SHROOM4: variants seen among roughly 807,000 people sequenced by gnomAD.
SHROOM4 encodes shroom family member 4.
In SHROOM4, 17 loss-of-function variants were observed where a neutral mutation model predicts 80.3. That is an observed-to-expected ratio of 0.21 (90% CI 0.14 to 0.32). SHROOM4 has a LOEUF of 0.32. SHROOM4 is among the 10% of genes least tolerant of loss of function. The probability of loss-of-function intolerance (pLI) is 1.00; values close to 1 mark genes in which losing one functional copy is unlikely to be tolerated. For synonymous variants in SHROOM4, 400 were observed against 437.5 expected, an observed-to-expected ratio of 0.91 and a Z score of 1.07; for missense variants, 993 against 1,140.3, an observed-to-expected ratio of 0.87 and a Z score of 1.86.
chrX:50,709,973 T>G (rs782276777), intron 1 of SHROOM4, among the ~76,000 whole-genome samples: 1 of 112,078 alleles, frequency 8.9e-6, no homozygotes, highest in Admixed American at 9.5e-5. Flanking sequence ...TAAAAATCTC[T>G]GAATTAGAAG....
rs782160810 is a variant in SHROOM4 at position 50,774,683 on chromosome X, A to AC, written c.117+39218_117+39219insG. ...TAAAAGAAAGATTTAGAAAAAAAAA[A>AC]AAAACAGAAAATGAGGTTATTTTAT... On this transcript the variant is annotated intron_variant, in intron 1 of 8. Transcript: ENST00000376020. Among the ~76,000 whole-genome samples, 416 of 110,679 alleles carry AC rather than the reference A, an allele frequency of 3.8e-3. 2 individuals carry two copies. The highest frequency in any genetic ancestry group is 0.013 in the African/African-American group (384 of 30,586).
intron 1 of SHROOM4, among the ~76,000 whole-genome samples, chrX:50,764,885 T>G (rs1388265265): frequency 8.9e-6 from 1 of 111,977 alleles, no homozygotes; most frequent in East Asian, 2.8e-4. Context: ...TTTAATGGAC[T>G]CACAATTCCA....
chrX:50,762,766 C>CT (rs1935187942), intron 1 of SHROOM4, among the ~76,000 whole-genome samples: 1 of 111,713 alleles, frequency 9.0e-6, no homozygotes, highest in Non-Finnish European at 1.9e-5. Flanking sequence ...AGCTATTCAT[C>CT]TTTTTGGAGT....
the SHROOM4 span, among the ~76,000 whole-genome samples, chrX:50,577,172 A>G: frequency 8.9e-6 from 1 of 111,856 alleles, no homozygotes; most frequent in Admixed American, 9.5e-5. Flanking sequence ...ATTTCCACTT[A>G]TTTCCTAAGA....
chrX:50,635,045 T>G lies in SHROOM4; in HGVS notation c.1028A>C (p.Glu343Ala), dbSNP rs1310106761. Reference sequence around the variant, plus strand: ...GCTGGATTCAGGAGGCTGACTGAACTCACAGTTCTGATGGCCCTCACTTGT... The same window carrying G: ...GCTGGATTCAGGAGGCTGACTGAACGCACAGTTCTGATGGCCCTCACTTGT... ...QVTSEGHQNC[E>A]FSQPPESSQQ... Residue 343 changes from glutamate (E) to alanine (A), a missense_variant, in exon 4 of 9, where the codon GAG becomes GCG. Physicochemically the swap from Glu to Ala is moderately radical, Grantham distance 107 (BLOSUM62 -1). Transcript: ENST00000376020. The G allele has an allele frequency of 1.7e-6, 2 of 1,210,742 alleles. No individual in the cohort carries two copies. Among genetic ancestry groups the G allele is most frequent in the Non-Finnish European group, 2.2e-6 (2 of 895,380 alleles).
intron 5 of SHROOM4, among the ~76,000 whole-genome samples, chrX:50,618,358 T>C (rs1317323040): frequency 4.9e-5 from 1 of 20,539 alleles, no homozygotes; most frequent in Non-Finnish European, 9.0e-5. Flanking sequence ...CTTCCTTCCT[T>C]CCTTCCTTCC....
intron 5 of SHROOM4, among the ~76,000 whole-genome samples, chrX:50,619,716 T>C (rs1930496275): frequency 8.9e-6 from 1 of 112,005 alleles, no homozygotes; most frequent in Non-Finnish European, 1.9e-5. Context: ...AAGTAATACA[T>C]ACATATGCAG....
In SHROOM4 at chrX:50,607,907, CCCT is replaced by C; in HGVS notation, c.3232_3234del (p.Arg1078del). ...GTCTCATCACCTTTGCTAAAGAGCTCCCTCCTATGCTGCCCCCAGGCCCGGGTG... is the reference window on the plus strand; with the variant it reads ...GTCTCATCACCTTTGCTAAAGAGCTCCCTATGCTGCCCCCAGGCCCGGGTG... On this transcript the variant is annotated inframe_deletion, in exon 6 of 9. Transcript: ENST00000376020. The C allele has an allele frequency of 8.3e-7, 1 of 1,210,683 alleles. No individual in the cohort carries two copies. The highest frequency in any genetic ancestry group is 1.1e-6 in the Non-Finnish European group (1 of 894,788).
At chrX:50,686,987 AT>A (rs781935619) in intron 2 of SHROOM4, 1 of 112,470 alleles carries the variant, frequency 8.9e-6, no homozygotes, top group Admixed American at 9.4e-5. Context: ...CATTGCCCAA[AT>A]TCAAAAGAAT....
At position 50,590,745 on chromosome X, in the gene SHROOM4, C is replaced by T. The variant is rs911788861; in HGVS notation, c.*5950G>A. ...AGTATGTTATAGCAACCCAAGCATA[C>T]TAAAACACATATTTTCTTTGAAGAA... On this transcript the variant is annotated 3_prime_UTR_variant, in exon 9 of 9. Coordinates refer to ENST00000376020, the MANE Select transcript of SHROOM4 (RefSeq NM_020717.5). Among the ~76,000 whole-genome samples the T allele has an allele frequency of 4.5e-5, 5 of 112,313 alleles. No individual in the cohort carries two copies. The highest frequency in any genetic ancestry group is 9.4e-5 in the Non-Finnish European group (5 of 53,253).
At position 50,591,569 on chromosome X, in the gene SHROOM4, C is replaced by A; in HGVS notation, c.*5126G>T. On this transcript the variant is annotated 3_prime_UTR_variant, in exon 9 of 9. Transcript: ENST00000376020. ...TATTTTGATCTTCTCTAATCTCTTT[C>A]AACAATGTTTTATAGTTTTCAGTGT... 3.9e-6 allele frequency: 1 copy of A among 257,724 alleles called. No homozygotes were observed. Among genetic ancestry groups the A allele is most frequent in the Non-Finnish European group, 7.1e-6 (1 of 141,449 alleles). The allele number at this position is 257,724 out of a possible 1,213,427, so 21.2% of individuals were successfully genotyped here.
chrX:50,621,279 T>C (rs1930562126), intron 5 of SHROOM4, among the ~76,000 whole-genome samples: 3 of 112,208 alleles, frequency 2.7e-5, no homozygotes, highest in African/African-American at 9.7e-5. Flanking sequence ...AGAAGCTCTT[T>C]TTTAATTTCA....
chrX:50,594,358 T>G lies in SHROOM4; in HGVS notation c.*2337A>C, dbSNP rs781864479. On this transcript the variant is annotated 3_prime_UTR_variant, in exon 9 of 9. Coordinates refer to ENST00000376020, the MANE Select transcript of SHROOM4 (RefSeq NM_020717.5). ...ACTTTTGGGGTTATTTTTTAAATGC[T>G]TTGGCAACTTTCCCTCCATGTGAAA... The G allele has an allele frequency of 8.9e-6, 1 of 112,625 alleles. No homozygotes were observed. Among genetic ancestry groups the G allele is most frequent in the East Asian group, 2.8e-4 (1 of 3,579 alleles). 9.3% of individuals were successfully genotyped at this position (112,625 alleles called of 1,213,427 possible). A position where few individuals can be genotyped will look rare whatever the true frequency, so the allele number is the denominator to read the frequency against.
At chrX:50,802,972 T>G (rs926224079) in intron 1 of SHROOM4, among the ~76,000 whole-genome samples, 7 of 112,246 alleles carry the variant, frequency 6.2e-5, no homozygotes, top group Admixed American at 9.4e-5. Flanking sequence ...TTCAATTTCC[T>G]CATGTGTAAA....
chrX:50,812,626 A>G (rs1286882515), intron 1 of SHROOM4, among the ~76,000 whole-genome samples: 2 of 111,263 alleles, frequency 1.8e-5, no homozygotes, highest in Non-Finnish European at 3.8e-5. Context: ...GAAGGATCCC[A>G]TACACTGGAA....
At chrX:50,749,571 G>A (rs1022067787) in intron 1 of SHROOM4, among the ~76,000 whole-genome samples, 1 of 111,650 alleles carries the variant, frequency 9.0e-6, no homozygotes, top group African/African-American at 3.3e-5. Context: ...ATGGAATGAA[G>A]GAAAGGTTAT....
At chrX:50,804,417 A>G (rs1936185697) in intron 1 of SHROOM4, among the ~76,000 whole-genome samples, 1 of 111,970 alleles carries the variant, frequency 8.9e-6, no homozygotes, top group Admixed American at 9.5e-5. Context: ...AGATACTCAT[A>G]ATATTATCAG....
intron 1 of SHROOM4, among the ~76,000 whole-genome samples, chrX:50,772,221 G>A (rs187927671): frequency 3.6e-5 from 4 of 111,509 alleles, no homozygotes; most frequent in Admixed American, 9.5e-5. Context: ...ATAAAGCTAC[G>A]GTCATTTTGG....
chrX:50,738,243 G>A (rs1237797603), intron 1 of SHROOM4, among the ~76,000 whole-genome samples: 1 of 111,252 alleles, frequency 9.0e-6, no homozygotes, highest in African/African-American at 3.3e-5. Flanking sequence ...GCAAAAACTA[G>A]AAGCATTCCC....
Sources: gnomAD v4.1 joint callset for allele counts (sites outside exome capture counted in the v4.1 genomes callset) on GRCh38, gnomAD v4.1.1 for gene constraint, MANE v1.5 for transcripts, NCBI Gene and HGNC (gene_info 2026-07-23, HGNC 2026-07-21) for gene names.